Variants in FPGT observed in about 807,000 individuals in gnomAD.
FPGT encodes GDP-L-fucose diphosphorylase.
FPGT carries 41 observed loss-of-function variants against 45.8 expected under a neutral mutation model. The observed-to-expected ratio is 0.90, with a 90% CI of 0.70 to 1.16. The LOEUF is 1.16. Ranked by LOEUF, FPGT falls within the 50% of genes most tolerant of loss-of-function variation. The pLI is 0.00. For missense variants in FPGT, 755 were observed against 689.1 expected (o/e 1.10, Z -1.07); for synonymous variants, 292 against 247.2 (o/e 1.18, Z -1.70).
chr1:74,202,044 A>G (rs1651848713), intron 3 of FPGT, among the ~76,000 whole-genome samples: 1 of 152,254 alleles, frequency 6.6e-6, no homozygotes, highest in South Asian at 2.1e-4. Context: ...GGAAAATGTG[A>G]CAAGATACAG....
chr1:74,200,497 C>CTTTTT (rs202228945), intron 2 of FPGT, among the ~76,000 whole-genome samples: 16 of 106,558 alleles, frequency 1.5e-4, no homozygotes, highest in African/African-American at 2.6e-4. Context: ...GTTATTATTT[C>CTTTTT]TTTTTTTTTT....
chr1:74,205,822 G>T lies in FPGT; in HGVS notation c.1775G>T (p.Ser592Ile). 6.5e-7 allele frequency: 1 copy of T among 1,530,740 alleles called. No homozygotes were observed. The highest frequency in any genetic ancestry group is 9.0e-7 in the Non-Finnish European group (1 of 1,112,694). The allele number at this position is 1,530,740 out of a possible 1,614,324, so 94.8% of individuals were successfully genotyped here. The change falls in exon 4 of 4, where the codon AGT becomes ATT. Residue 592 changes from serine (S) to isoleucine (I), a missense_variant. Physicochemically the swap from Ser to Ile is moderately radical, Grantham distance 142 (BLOSUM62 -2). Coordinates refer to ENST00000370898, the MANE Select transcript of FPGT (RefSeq NM_003838.5). ...QIFLEISLKS[S>I]LM Reference sequence around the variant, plus strand: ...TTTCTAGAAATCAGTTTAAAAAGCAGTTTGATGTAGAGATATTTTAAATAT... The same window carrying T: ...TTTCTAGAAATCAGTTTAAAAAGCATTTTGATGTAGAGATATTTTAAATAT...
In FPGT at chr1:74,207,169, G is replaced by A. The variant is rs1652348354; in HGVS notation, c.*1337G>A. On this transcript the variant is annotated 3_prime_UTR_variant, in exon 4 of 4. Transcript: ENST00000370898. ...AAATCTGAAGTGCCATCAGTTATAA[G>A]AATCACCATTATTTTATGTTCCATT... The A allele has an allele frequency of 6.6e-6, 1 of 151,984 alleles. No individual in the cohort carries two copies. The highest frequency in any genetic ancestry group is 6.6e-5 in the Admixed American group (1 of 15,252). 9.4% of individuals were successfully genotyped at this position (151,984 alleles called of 1,614,324 possible).
intron 3 of FPGT, among the ~76,000 whole-genome samples, chr1:74,203,115 A>G (rs1057282611): frequency 6.6e-6 from 1 of 152,214 alleles, no homozygotes; most frequent in African/African-American, 2.4e-5. Context: ...ATTACCAATT[A>G]TTATATACTA....
chr1:74,202,294 T>A (rs561039348), intron 3 of FPGT, among the ~76,000 whole-genome samples: 3 of 152,328 alleles, frequency 2.0e-5, no homozygotes, highest in East Asian at 3.9e-4. Context: ...GAATTATTCA[T>A]CTACATGGCT....
Position 74,205,660 on chromosome 1 carries a change from T to A in FPGT, c.1613T>A (p.Val538Asp), listed in dbSNP as rs769630889. 16 of 1,610,128 alleles carry A rather than the reference T, an allele frequency of 9.9e-6. No individual in the cohort carries two copies. In the African/African-American group the frequency reaches 2.1e-4, roughly 22 times the overall value. Residue 538 changes from valine to aspartate, a missense_variant, in exon 4 of 4, where the codon GTT becomes GAT. Coordinates refer to ENST00000370898, the MANE Select transcript of FPGT (RefSeq NM_003838.5). ...GTTTGTTCTTCTTTGAGTGACTCAG[T>A]TATAACATCCCTAAAGATGTTAAAT... ...FPVCSSLSDS[V>D]ITSLKMLNAV...
rs763525801 is a variant in FPGT, at chr1:74,206,466, A to G, written c.*634A>G. 2.0e-5 allele frequency: 3 copies of G among 152,152 alleles called. No individual in the cohort carries two copies. Among genetic ancestry groups the G allele is most frequent in the East Asian group, 1.9e-4 (1 of 5,200 alleles). 9.4% of individuals were successfully genotyped at this position (152,152 alleles called of 1,614,324 possible). A position where few individuals can be genotyped will look rare whatever the true frequency, so the allele number is the denominator to read the frequency against. ...ATTATACACTTGAACATGTGTTTGT[A>G]TATCTTTAAAATTTTCCTTTATGTT... On this transcript the variant is annotated 3_prime_UTR_variant, in exon 4 of 4. Transcript: ENST00000370898.
Position 74,208,230 on chromosome 1 carries a change from CA to C in FPGT, c.*2411del, listed in dbSNP as rs1183147525. On this transcript the variant is annotated 3_prime_UTR_variant, in exon 4 of 4. Coordinates refer to ENST00000370898, the MANE Select transcript of FPGT (RefSeq NM_003838.5). ...ATGTGTTTTAATAAAAGGATCTAGGCAAAAAAAAAAAAAGTAAGTCACTCCT... is the reference window on the plus strand; with the variant it reads ...ATGTGTTTTAATAAAAGGATCTAGGCAAAAAAAAAAAAGTAAGTCACTCCT... Among the ~76,000 whole-genome samples, 2,796 of 119,846 alleles carry C rather than the reference CA, an allele frequency of 0.023. 79 individuals are homozygous for C. Among genetic ancestry groups the C allele is most frequent in the African/African-American group, 0.074 (2,446 of 32,892 alleles). 78.6% of individuals were successfully genotyped at this position (119,846 alleles called of 152,430 possible).
At chr1:74,203,562 T>G (rs996658869) in intron 3 of FPGT, among the ~76,000 whole-genome samples, 5 of 151,782 alleles carry the variant, frequency 3.3e-5, no homozygotes, top group Non-Finnish European at 7.4e-5. Flanking sequence ...CAGCTAATTT[T>G]TTGTATTTTT....
Position 74,201,340 on chromosome 1 carries a change from T to A in FPGT, c.273T>A (p.Cys91Ter), listed in dbSNP as rs1450400552. ...AAGGAAATGGAGGATCAACACTTTG[T>A]GCCCTTCAATGTTTGGAAAAGCTAT... ...AKIGNGGSTL[C>*]ALQCLEKLYG... The change falls in exon 3 of 4, where the codon TGT (cysteine) becomes TGA (stop). Residue 91 changes from cysteine (C) to a stop codon, truncating the protein, a stop_gained. Transcript: ENST00000370898. LOFTEE classifies it high-confidence loss of function. 6.2e-7 allele frequency: 1 copy of A among 1,611,346 alleles called. No homozygotes were observed. The highest frequency in any genetic ancestry group is 1.3e-5 in the African/African-American group (1 of 74,924).
rs561288193 is a variant in FPGT, at chr1:74,207,209, A to G, written c.*1377A>G. 2 of 152,278 alleles carry G rather than the reference A, an allele frequency of 1.3e-5. No individual in the cohort carries two copies. The highest frequency in any genetic ancestry group is 3.9e-4 in the East Asian group (2 of 5,182). 9.4% of individuals were successfully genotyped at this position (152,278 alleles called of 1,614,324 possible). ...TATGTTCCATTAAGAAAAACACAAT[A>G]AAACATGACACTGCTTTTTTTGTTA... On this transcript the variant is annotated 3_prime_UTR_variant, in exon 4 of 4. Coordinates refer to ENST00000370898, the MANE Select transcript of FPGT (RefSeq NM_003838.5).
rs764393942 is a variant in FPGT, at chr1:74,204,375, C to T, written c.344-16C>T. 3.1e-5 allele frequency: 47 copies of T among 1,510,188 alleles called. No homozygotes were observed. The East Asian group carries it at 6.1e-4, about 20-fold the overall frequency. The allele number at this position is 1,510,188 out of a possible 1,614,324, so 93.5% of individuals were successfully genotyped here. On this transcript the variant is annotated splice_polypyrimidine_tract_variant and intron_variant, in intron 3 of 3. Transcript: ENST00000370898. ...ATACTGCATTTTTAAATGGTTATTT[C>T]GTTTTAATTTTATAGGTGGCTACAG...
chr1:74,198,489 T>C, intron 1 of FPGT, 129 bp downstream of exon 1: 1 of 1,290,216 alleles, frequency 7.8e-7, no homozygotes, highest in South Asian at 1.3e-5. Flanking sequence ...TCCCCAGGAG[T>C]AGCTAGCTAA....
At chr1:74,201,842 C>G (rs773339119) in intron 3 of FPGT, among the ~76,000 whole-genome samples, 31 of 152,136 alleles carry the variant, frequency 2.0e-4, no homozygotes, top group Non-Finnish European at 7.3e-5. Flanking sequence ...CTGCACCTGT[C>G]AACCCATCAC....
rs1203307688 is a variant in FPGT at position 74,206,353 on chromosome 1, T to C, written c.*521T>C. The C allele has an allele frequency of 2.0e-5, 3 of 152,178 alleles. No individual in the cohort carries two copies. The highest frequency in any genetic ancestry group is 2.9e-5 in the Non-Finnish European group (2 of 68,008). 9.4% of individuals were successfully genotyped at this position (152,178 alleles called of 1,614,324 possible). A position where few individuals can be genotyped will look rare whatever the true frequency, so the allele number is the denominator to read the frequency against. On this transcript the variant is annotated 3_prime_UTR_variant, in exon 4 of 4. Transcript: ENST00000370898. Reference sequence around the variant, plus strand: ...AATATATTGTGATTATTTTCGTTGATAAAGAACTAGATACAAAGACCTCTG... The same window carrying C: ...AATATATTGTGATTATTTTCGTTGACAAAGAACTAGATACAAAGACCTCTG...
chr1:74,205,085 A>G lies in FPGT; in HGVS notation c.1038A>G (p.Leu346=). Reference sequence around the variant, plus strand: ...TTCATCTTCTTAAAGGAACATCACTAAATGTTGTTGTTCTTAATAACTCCA... The same window carrying G: ...TTCATCTTCTTAAAGGAACATCACTGAATGTTGTTGTTCTTAATAACTCCA... The part of the protein sequence containing the change: ...RIFHLLKGTS[L]NVVVLNNSKF... The change falls in exon 4 of 4, where the codon CTA becomes CTG. Residue 346 remains leucine (L), a synonymous_variant. Coordinates refer to ENST00000370898, the MANE Select transcript of FPGT (RefSeq NM_003838.5). 4.3e-6 allele frequency: 7 copies of G among 1,613,608 alleles called. No homozygotes were observed. The highest frequency in any genetic ancestry group is 1.3e-5 in the African/African-American group (1 of 75,054).
intron 3 of FPGT, among the ~76,000 whole-genome samples, chr1:74,204,019 G>T (rs1237322329): frequency 2.0e-5 from 3 of 148,556 alleles, no homozygotes; most frequent in Non-Finnish European, 3.0e-5. Context: ...ACTCCAGCCT[G>T]GGTGACAGTA....
intron 3 of FPGT, among the ~76,000 whole-genome samples, chr1:74,202,127 G>A (rs928533687): frequency 3.3e-5 from 5 of 152,196 alleles, no homozygotes; most frequent in African/African-American, 9.6e-5. Flanking sequence ...AAAGTAGGAA[G>A]GACATGGTCT....
chr1:74,199,280 G>C (rs1381235709), intron 1 of FPGT, among the ~76,000 whole-genome samples: 1 of 152,194 alleles, frequency 6.6e-6, no homozygotes. Context: ...CATAAGAATT[G>C]ATTTGCAAAG....
Sources: gnomAD v4.1 joint callset for allele counts (sites outside exome capture counted in the v4.1 genomes callset) on GRCh38, gnomAD v4.1.1 for gene constraint, MANE v1.5 for transcripts, NCBI Gene and HGNC (gene_info 2026-07-23, HGNC 2026-07-21) for gene names.